CDHR1: variants seen among roughly 807,000 people sequenced by gnomAD.
The protein encoded by CDHR1 is cadherin related family member 1, also known as cadherin-related family member 1.
In CDHR1, 61 loss-of-function variants were observed where a neutral mutation model predicts 72.1. The ratio of observed to expected loss-of-function variants is 0.85; its 90% CI spans 0.69 to 1.05. The LOEUF (loss-of-function observed/expected upper bound fraction) is 1.05, where lower values mean the gene tolerates loss of function less well. CDHR1 is among the 50% of genes least tolerant of loss of function. CDHR1 has a pLI of 0.00. For synonymous variants in CDHR1, 470 were observed against 448.1 expected, an observed-to-expected ratio of 1.05 and a Z score of -0.62; for missense variants, 1,186 against 1,115.7, an observed-to-expected ratio of 1.06 and a Z score of -0.90.
chr10:84,216,903 T>C lies in CDHR1; in HGVS notation c.*2282T>C. On this transcript the variant is annotated 3_prime_UTR_variant, in exon 17 of 17. Transcript: ENST00000623527. ...GGGCATGAAAGCTTGGGAAGCACTG[T>C]CGTCTCTCAGACAGGCGTCCTAAAG... is the stretch of plus-strand genomic sequence containing the variant. The C allele has an allele frequency of 1.0e-6, 1 of 985,506 alleles. No homozygotes were observed. Among genetic ancestry groups the C allele is most frequent in the Non-Finnish European group, 1.2e-6 (1 of 829,978 alleles). The allele number at this position is 985,506 out of a possible 1,614,324, so 61.0% of individuals were successfully genotyped here. A position where few individuals can be genotyped will look rare whatever the true frequency, so the allele number is the denominator to read the frequency against.
rs1367781428 is a variant in CDHR1 at position 84,217,037 on chromosome 10, A to G, written c.*2416A>G. The G allele has an allele frequency of 4.1e-6, 4 of 985,502 alleles. No homozygotes were observed. The highest frequency in any genetic ancestry group is 4.8e-6 in the Non-Finnish European group (4 of 830,070). The allele number at this position is 985,502 out of a possible 1,614,324, so 61.0% of individuals were successfully genotyped here. A position where few individuals can be genotyped will look rare whatever the true frequency, so the allele number is the denominator to read the frequency against. ...GCAGAGCCAATCTTGCAAACTGGCCATGGATGGGGAAGTGCCCGGTAGCCA... is the reference window on the plus strand; with the variant it reads ...GCAGAGCCAATCTTGCAAACTGGCCGTGGATGGGGAAGTGCCCGGTAGCCA... On this transcript the variant is annotated 3_prime_UTR_variant, in exon 17 of 17. Transcript: ENST00000623527.
At chr10:84,211,233 G>A in intron 13 of CDHR1, 68 bp downstream of exon 13, 3 of 1,547,454 alleles carry the variant, frequency 1.9e-6, no homozygotes, top group Non-Finnish European at 2.7e-6. Context: ...AAATCTGGAA[G>A]GTCATTGCAG....
chr10:84,208,659 T>C (rs1308992579), intron 11 of CDHR1, 70 bp from the exon 12 acceptor site: 1 of 1,496,692 alleles, frequency 6.7e-7, no homozygotes, highest in Non-Finnish European at 9.3e-7. Context: ...ACGTGAAGAC[T>C]TCTATATAGT....
chr10:84,211,651 GTGGA>G lies in CDHR1; in HGVS notation c.1491_1494del (p.Asp498GlnfsTer9), dbSNP rs1217780864. The G allele has an allele frequency of 1.2e-6, 2 of 1,614,132 alleles. No individual in the cohort carries two copies. The highest frequency in any genetic ancestry group is 2.2e-5 in the South Asian group (2 of 91,086). ...CCCAGGGCTCTTTCTCTTCCAGGCT[GTGGA>G]TCCAGATACAGGACCCTGGGGCGAA... On this transcript the variant is annotated frameshift_variant, in exon 14 of 17. Coordinates refer to ENST00000623527, the MANE Select transcript of CDHR1 (RefSeq NM_033100.4). LOFTEE classifies it high-confidence loss of function.
chr10:84,209,321 T>C (rs1277740614), intron 12 of CDHR1, among the ~76,000 whole-genome samples: 1 of 152,204 alleles, frequency 6.6e-6, no homozygotes, highest in Admixed American at 6.6e-5. Flanking sequence ...TATGAACATA[T>C]ATAATATGTT....
Position 84,217,455 on chromosome 10 carries a change from A to G in CDHR1, c.*2834A>G. ...AAGTCCTTTACAGTTTGACAGCCCT[A>G]GGTCTGAATTCTGGTTCTGCCATTA... On this transcript the variant is annotated 3_prime_UTR_variant, in exon 17 of 17. Transcript: ENST00000623527. 3.0e-6 allele frequency: 3 copies of G among 984,072 alleles called. No individual in the cohort carries two copies. The highest frequency in any genetic ancestry group is 4.7e-5 in the South Asian group (1 of 21,258). The allele number at this position is 984,072 out of a possible 1,614,324, so 61.0% of individuals were successfully genotyped here.
rs900516740 is a variant in CDHR1, at chr10:84,217,156, T to C, written c.*2535T>C. The C allele has an allele frequency of 3.5e-5, 34 of 985,240 alleles. No homozygotes were observed. The highest frequency in any genetic ancestry group is 4.1e-5 in the Non-Finnish European group (34 of 830,006). The allele number at this position is 985,240 out of a possible 1,614,324, so 61.0% of individuals were successfully genotyped here. A position where few individuals can be genotyped will look rare whatever the true frequency, so the allele number is the denominator to read the frequency against. ...ACTGGAGGAGACCCCGCCAGTGGGG[T>C]GAGGCCAGCCAAGTCCCTGTGTTAC... is the stretch of plus-strand genomic sequence containing the variant. On this transcript the variant is annotated 3_prime_UTR_variant, in exon 17 of 17. Transcript: ENST00000623527.
chr10:84,199,177 C>T lies in CDHR1; in HGVS notation c.438+56C>T, dbSNP rs1449347506. On this transcript the variant is annotated intron_variant, in intron 5 of 16. Transcript: ENST00000623527. The stretch of plus-strand genomic sequence containing the variant: ...TTCCCACCCAGGCCCATAGCCTACC[C>T]CTGGGGCTGCCCTGTGGCCTGGCCA... 4 of 1,427,690 alleles carry T rather than the reference C, an allele frequency of 2.8e-6. No homozygotes were observed. In the Admixed American group the frequency reaches 5.9e-5, roughly 21 times the overall value. 88.4% of individuals were successfully genotyped at this position (1,427,690 alleles called of 1,614,324 possible).
Position 84,204,517 on chromosome 10 carries a change from T to C in CDHR1, c.784-10T>C, listed in dbSNP as rs762944021. On this transcript the variant is annotated splice_polypyrimidine_tract_variant and intron_variant, in intron 8 of 16. Transcript: ENST00000623527. ...GCCCATCAGGCAGCGGCTGTTCCTG[T>C]TTCCCCGAGGGCTCGGAGGTACTGA... is the stretch of plus-strand genomic sequence containing the variant. 3.7e-6 allele frequency: 6 copies of C among 1,607,544 alleles called. No homozygotes were observed. In the Admixed American group the frequency reaches 1.0e-4, roughly 27 times the overall value.
chr10:84,208,690 T>C (rs770742498), intron 11 of CDHR1, 39 bp from the exon 12 acceptor site: 7 of 1,586,588 alleles, frequency 4.4e-6, no homozygotes, highest in Non-Finnish European at 6.1e-6. Context: ...ATTTCTATCA[T>C]CATTCATCTT....
Position 84,202,837 on chromosome 10 carries a change from G to A in CDHR1, c.640-143G>A, listed in dbSNP as rs7084872. The A allele has an allele frequency of 7.4e-3, 6,386 of 864,216 alleles. 244 individuals are homozygous for A. In the African/African-American group the frequency reaches 0.088, roughly 12 times the overall value. The allele number at this position is 864,216 out of a possible 1,614,324, so 53.5% of individuals were successfully genotyped here. On this transcript the variant is annotated intron_variant, in intron 7 of 16. Coordinates refer to ENST00000623527, the MANE Select transcript of CDHR1 (RefSeq NM_033100.4). The stretch of plus-strand genomic sequence containing the variant: ...CTCCTGTGAGAGAAGAATTATCTCC[G>A]GGTGACACAGAAGCAAACAGAAACT...
chr10:84,209,858 A>G (rs1377754075), intron 12 of CDHR1, among the ~76,000 whole-genome samples: 1 of 152,258 alleles, frequency 6.6e-6, no homozygotes, highest in Non-Finnish European at 1.5e-5. Context: ...GCTAAATTTC[A>G]CAAAGAGACA....
intron 3 of CDHR1, 121 bp from the exon 4 acceptor site, chr10:84,197,665 T>G (rs1218118255): frequency 1.1e-6 from 1 of 888,892 alleles, no homozygotes; most frequent in East Asian, 2.4e-5. Context: ...GCTCCAGGGA[T>G]CTATTGGCAC....
In CDHR1 at chr10:84,205,890, C is replaced by T; in HGVS notation, c.926C>T (p.Ala309Val). Residue 309 changes from alanine (A) to valine (V), a missense_variant, in exon 10 of 17, where the codon GCC becomes GTC. Ala to Val is a moderately conservative substitution (Grantham distance 64, BLOSUM62 0). Transcript: ENST00000623527. Reference protein sequence around the residue: ...SGAISITQSPAQLQREVYELH... With the variant: ...SGAISITQSPVQLQREVYELH... ...GCCATCTCCATCACTCAGAGCCCGG[C>T]CCAGCTCCAGAGAGAGGTGTATGAG... The T allele has an allele frequency of 6.2e-7, 1 of 1,614,096 alleles. No individual in the cohort carries two copies. Among genetic ancestry groups the T allele is most frequent in the South Asian group, 1.1e-5 (1 of 91,080 alleles).
At chr10:84,206,271 A>G (rs1434767808) in intron 10 of CDHR1, among the ~76,000 whole-genome samples, 1 of 152,192 alleles carries the variant, frequency 6.6e-6, no homozygotes, top group South Asian at 2.1e-4. Context: ...TGGGGGAACA[A>G]CAAGGAGTCA....
intron 4 of CDHR1, 80 bp downstream of exon 4, chr10:84,197,916 C>T (rs1842057043): frequency 7.2e-7 from 1 of 1,386,500 alleles, no homozygotes; most frequent in Non-Finnish European, 1.0e-6. Flanking sequence ...GATTCCTCCC[C>T]AAGCCTTCAT....
In CDHR1 at chr10:84,211,662, T is replaced by C. The variant is rs1266986282; in HGVS notation, c.1500T>C (p.Asp500=). 4.3e-6 allele frequency: 7 copies of C among 1,614,006 alleles called. No homozygotes were observed. The highest frequency in any genetic ancestry group is 5.1e-6 in the Non-Finnish European group (6 of 1,180,002). The change falls in exon 14 of 17, where the codon GAT becomes GAC. Residue 500 remains aspartate, a synonymous_variant. Transcript: ENST00000623527. The part of the protein sequence containing the change: ...SVVAVTAVDP[D]TGPWGEVKYS... ...TTCTCTTCCAGGCTGTGGATCCAGA[T>C]ACAGGACCCTGGGGCGAAGTGAAAT...
intron 10 of CDHR1, among the ~76,000 whole-genome samples, chr10:84,207,971 A>G (rs968359886): frequency 1.3e-5 from 2 of 152,182 alleles, no homozygotes; most frequent in African/African-American, 2.4e-5. Flanking sequence ...GAGAGAGTTC[A>G]CAAGACAGAC....
At position 84,194,596 on chromosome 10, in the gene CDHR1, C is replaced by A. The variant is rs1841992667; in HGVS notation, c.-165C>A. 1.0e-5 allele frequency: 5 copies of A among 498,570 alleles called. No individual in the cohort carries two copies. The highest frequency in any genetic ancestry group is 1.7e-5 in the Non-Finnish European group (5 of 292,972). The allele number at this position is 498,570 out of a possible 1,614,324, so 30.9% of individuals were successfully genotyped here. A position where few individuals can be genotyped will look rare whatever the true frequency, so the allele number is the denominator to read the frequency against. On this transcript the variant is annotated 5_prime_UTR_variant, in exon 1 of 17. Coordinates refer to ENST00000623527, the MANE Select transcript of CDHR1 (RefSeq NM_033100.4). ...GATCCGAGCCGTGTCATCCTCTTAG[C>A]GCCCTCACGCCACCCGCCGCTCCCG...
Sources: allele counts gnomAD v4.1 joint callset (sites outside exome capture counted in the v4.1 genomes callset), GRCh38; gene constraint gnomAD v4.1.1; transcripts MANE v1.5; gene names NCBI Gene and HGNC (gene_info 2026-07-23, HGNC 2026-07-21).